Variants in ZNF385D observed in about 807,000 individuals in gnomAD.
The protein encoded by ZNF385D is zinc finger protein 659.
In ZNF385D, 15 loss-of-function variants were observed where a neutral mutation model predicts 35.8. The observed-to-expected ratio is 0.42, with a 90% CI of 0.28 to 0.64. The LOEUF (loss-of-function observed/expected upper bound fraction) is 0.64. ZNF385D is among the 30% of genes least tolerant of loss of function. The probability of loss-of-function intolerance (pLI) is 0.23; values close to 1 mark genes in which losing one functional copy is unlikely to be tolerated. For synonymous variants in ZNF385D, 212 were observed against 186.8 expected, an observed-to-expected ratio of 1.13 and a Z score of -1.10; for missense variants, 474 against 494.6, an observed-to-expected ratio of 0.96 and a Z score of 0.39.
At chr3:21,719,989 G>C (rs1336989649) in intron 1 of ZNF385D, among the ~76,000 whole-genome samples, 1 of 152,072 alleles carries the variant, frequency 6.6e-6, no homozygotes, top group Non-Finnish European at 1.5e-5. Flanking sequence ...TGAAAAATAA[G>C]GAGAAAGAAA....
intron 3 of ZNF385D, among the ~76,000 whole-genome samples, chr3:21,888,697 G>A (rs773243495): frequency 3.9e-5 from 6 of 152,076 alleles, no homozygotes; most frequent in Non-Finnish European, 8.8e-5. Context: ...GGTAGAGGAG[G>A]AATATAAATG....
chr3:21,524,116 G>C (rs1272269816), intron 3 of ZNF385D, among the ~76,000 whole-genome samples: 1 of 152,192 alleles, frequency 6.6e-6, no homozygotes, highest in African/African-American at 2.4e-5. Context: ...ATTCAAAGAA[G>C]TCCCAAGGTT....
At chr3:21,468,312 G>A (rs1450103938) in intron 4 of ZNF385D, among the ~76,000 whole-genome samples, 1 of 138,130 alleles carries the variant, frequency 7.2e-6, no homozygotes, top group Admixed American at 8.3e-5. Context: ...TGAGGCAGGA[G>A]AATCACTTGA....
intron 2 of ZNF385D, among the ~76,000 whole-genome samples, chr3:22,190,852 A>G (rs568606399): frequency 2.0e-5 from 3 of 152,242 alleles, no homozygotes; most frequent in African/African-American, 7.2e-5. Context: ...ATCTAGTTTA[A>G]CATGATAAAT....
At chr3:22,216,865 T>A (rs893029659) in intron 2 of ZNF385D, among the ~76,000 whole-genome samples, 1 of 152,154 alleles carries the variant, frequency 6.6e-6, no homozygotes, top group African/African-American at 2.4e-5. Flanking sequence ...CCATGCCTAA[T>A]TCTTCATTTT....
At chr3:21,999,543 T>C (rs923027643) in intron 3 of ZNF385D, among the ~76,000 whole-genome samples, 3 of 152,192 alleles carry the variant, frequency 2.0e-5, no homozygotes, top group African/African-American at 7.2e-5. Flanking sequence ...TGTATTATTC[T>C]CTTGAGAAGA....
chr3:21,766,251 G>A (rs1459980399), intron 3 of ZNF385D, among the ~76,000 whole-genome samples: 1 of 152,062 alleles, frequency 6.6e-6, no homozygotes, highest in Non-Finnish European at 1.5e-5. Flanking sequence ...GATTTACATA[G>A]AAAGATGAGA....
chr3:21,421,163 GTTTT>G lies in ZNF385D; in HGVS notation c.*47_*50del, dbSNP rs1387761954. On this transcript the variant is annotated 3_prime_UTR_variant, in exon 8 of 8. Coordinates refer to ENST00000281523, the MANE Select transcript of ZNF385D (RefSeq NM_024697.3). ...TGCATAGTTCTCTTTTGTTTGTTTT[GTTTT>G]TTGTTTTTTGAAAAATTATTGCAGT... 6.8e-7 allele frequency: 1 copy of G among 1,463,454 alleles called. No individual in the cohort carries two copies. The highest frequency in any genetic ancestry group is 1.4e-5 in the African/African-American group (1 of 70,426). The allele number at this position is 1,463,454 out of a possible 1,614,324, so 90.7% of individuals were successfully genotyped here. A position where few individuals can be genotyped will look rare whatever the true frequency, so the allele number is the denominator to read the frequency against.
Position 21,679,185 on chromosome 3 carries a change from T to G in ZNF385D, c.23-14157A>C, listed in dbSNP as rs2066821536. On this transcript the variant is annotated intron_variant, in intron 1 of 7. Transcript: ENST00000281523. ...CGGTTCTCCTTCTATAAAATAAGAA[T>G]AACAGCTAAATTCCAGGATTTCTGT... 3.3e-5 allele frequency among the ~76,000 whole-genome samples: 5 copies of G among 152,178 alleles called. No homozygotes were observed. The South Asian group carries it at 1.0e-3, about 32-fold the overall frequency.
At chr3:21,579,993 C>T (rs2063606714) in intron 2 of ZNF385D, 1 of 152,116 alleles carries the variant, frequency 6.6e-6, no homozygotes, top group Non-Finnish European at 1.5e-5. Flanking sequence ...TAGGTTAGAA[C>T]TTCAACATTT....
At chr3:21,609,635 G>T (rs925708988) in intron 2 of ZNF385D, among the ~76,000 whole-genome samples, 3 of 152,160 alleles carry the variant, frequency 2.0e-5, no homozygotes, top group African/African-American at 7.2e-5. Flanking sequence ...GAGCCTTATG[G>T]AGTATCAAGC....
intron 3 of ZNF385D, among the ~76,000 whole-genome samples, chr3:22,059,358 T>C (rs1285039428): frequency 6.6e-6 from 1 of 152,060 alleles, no homozygotes; most frequent in Non-Finnish European, 1.5e-5. Context: ...GCTTCCCAGG[T>C]GAGTCTATGT....
intron 2 of ZNF385D, among the ~76,000 whole-genome samples, chr3:22,353,330 TG>T (rs1696003545): frequency 6.6e-6 from 1 of 152,200 alleles, no homozygotes; most frequent in Non-Finnish European, 1.5e-5. Flanking sequence ...CCATGTCTCC[TG>T]GACCATGACC....
intron 3 of ZNF385D, among the ~76,000 whole-genome samples, chr3:22,048,111 G>A (rs1434210061): frequency 6.6e-6 from 1 of 151,878 alleles, no homozygotes; most frequent in Non-Finnish European, 1.5e-5. Flanking sequence ...CTATTGAATT[G>A]AGTTCCATAT....
intron 2 of ZNF385D, among the ~76,000 whole-genome samples, chr3:22,366,738 GT>G: frequency 6.6e-6 from 1 of 152,252 alleles, no homozygotes; most frequent in Non-Finnish European, 1.5e-5. Flanking sequence ...TGGAAAAAGG[GT>G]TTTTCATATG....
At chr3:21,516,413 T>C (rs1326254506) in intron 3 of ZNF385D, among the ~76,000 whole-genome samples, 1 of 152,166 alleles carries the variant, frequency 6.6e-6, no homozygotes, top group Admixed American at 6.5e-5. Context: ...GGAGAATTTC[T>C]CAGAGCAGAG....
intron 2 of ZNF385D, among the ~76,000 whole-genome samples, chr3:22,184,563 T>G (rs1350469950): frequency 6.6e-6 from 1 of 152,026 alleles, no homozygotes. Context: ...CAGTGGCTCA[T>G]GCCTGTAATC....
At chr3:22,276,495 G>A (rs1015865032) in intron 2 of ZNF385D, among the ~76,000 whole-genome samples, 1 of 152,150 alleles carries the variant, frequency 6.6e-6, no homozygotes, top group Admixed American at 6.6e-5. Flanking sequence ...AGCCATAGAA[G>A]CTCAAGCAAT....
chr3:21,964,883 TG>T (rs1434051029), intron 3 of ZNF385D, among the ~76,000 whole-genome samples: 2 of 152,166 alleles, frequency 1.3e-5, no homozygotes, highest in Non-Finnish European at 2.9e-5. Context: ...TGTAGACAAA[TG>T]ATATGAGACT....
Sources: allele counts gnomAD v4.1 joint callset (sites outside exome capture counted in the v4.1 genomes callset), GRCh38; gene constraint gnomAD v4.1.1; transcripts MANE v1.5; gene names NCBI Gene and HGNC (gene_info 2026-07-23, HGNC 2026-07-21).